Variants in HDAC7 observed in about 807,000 individuals in gnomAD.
HDAC7 encodes the protein histone deacetylase 7, also known as histone deacetylase 7A.
In HDAC7, 26 loss-of-function variants were observed where a neutral mutation model predicts 115.5. The observed-to-expected ratio is 0.23, with a 90% CI of 0.16 to 0.31. The LOEUF (loss-of-function observed/expected upper bound fraction) is 0.31, where lower values mean the gene tolerates loss of function less well. HDAC7 is among the 10% of genes least tolerant of loss of function. The probability of loss-of-function intolerance (pLI) is 1.00; values close to 1 mark genes in which losing one functional copy is unlikely to be tolerated. For missense variants in HDAC7, 1,068 were observed against 1,329.0 expected (o/e 0.80, Z 3.05); for synonymous variants, 564 against 550.9 (o/e 1.02, Z -0.33).
At chr12:47,805,709 A>C (rs1259833266) in intron 1 of HDAC7, among the ~76,000 whole-genome samples, 1 of 152,200 alleles carries the variant, frequency 6.6e-6, no homozygotes, top group Non-Finnish European at 1.5e-5. Flanking sequence ...GGCTTTAGAG[A>C]TCGTTCAGAC....
chr12:47,819,707 G>C (rs1202815550), intron 1 of HDAC7, 60 bp downstream of exon 1: 1 of 419,058 alleles, frequency 2.4e-6, no homozygotes, highest in Non-Finnish European at 3.2e-6. Context: ...GCCGAGCCTG[G>C]GCGGGCGACG....
chr12:47,799,065 C>G, intron 2 of HDAC7, 93 bp from the exon 3 acceptor site: 2 of 870,560 alleles, frequency 2.3e-6, no homozygotes, highest in Non-Finnish European at 3.4e-6. Flanking sequence ...CTCAGGCTCA[C>G]TTGACAATGG....
chr12:47,806,668 G>A (rs113056781), intron 1 of HDAC7, among the ~76,000 whole-genome samples: 6,714 of 152,102 alleles, frequency 0.044, 244 homozygotes, highest in African/African-American at 0.099. Context: ...CAGCCTGGGC[G>A]ACAGAGCAAG....
At chr12:47,816,877 C>T (rs1051480296) in intron 1 of HDAC7, among the ~76,000 whole-genome samples, 8 of 152,192 alleles carry the variant, frequency 5.3e-5, no homozygotes, top group African/African-American at 2.4e-5. Flanking sequence ...CCCTTCCCCC[C>T]AGAAGACGCC....
At position 47,798,423 on chromosome 12, in the gene HDAC7, G is replaced by T; in HGVS notation, c.349+139C>A. On this transcript the variant is annotated intron_variant, in intron 4 of 25. Coordinates refer to ENST00000080059, the MANE Select transcript of HDAC7 (RefSeq NM_015401.5). The surrounding 1 kb of genome is among the most constrained non-coding windows in gnomAD (Gnocchi z 4.3). ...CATCCCCCACACATTCACAGGCAGA[G>T]CCCAGGCAAGCAGAGGGAAAGCCTC... 1.2e-6 allele frequency: 1 copy of T among 827,936 alleles called. No homozygotes were observed. The highest frequency in any genetic ancestry group is 2.0e-6 in the Non-Finnish European group (1 of 509,870). 51.3% of individuals were successfully genotyped at this position (827,936 alleles called of 1,614,324 possible).
chr12:47,786,496 C>T, intron 22 of HDAC7, 89 bp downstream of exon 22: 2 of 917,674 alleles, frequency 2.2e-6, no homozygotes, highest in Non-Finnish European at 3.5e-6. Flanking sequence ...CCACTGCCAC[C>T]TTCCCTTTCT....
rs1943957447 is a variant in HDAC7, at chr12:47,798,002, G to T, written c.461+106C>A. 1 of 818,494 alleles carries T rather than the reference G, an allele frequency of 1.2e-6. No homozygotes were observed. The highest frequency in any genetic ancestry group is 2.2e-6 in the Non-Finnish European group (1 of 464,422). The allele number at this position is 818,494 out of a possible 1,614,324, so 50.7% of individuals were successfully genotyped here. A position where few individuals can be genotyped will look rare whatever the true frequency, so the allele number is the denominator to read the frequency against. ...TTTAGAGGAAGGGTAAGGACTGGTT[G>T]TGGCAACTGGGGAGGAAGGAGGCAA... On this transcript the variant is annotated intron_variant, in intron 5 of 25. Coordinates refer to ENST00000080059, the MANE Select transcript of HDAC7 (RefSeq NM_015401.5). This position sits in a 1 kb window ranked among gnomAD's most constrained non-coding sequence, Gnocchi z 4.3.
chr12:47,786,759 T>C (rs1393443273), intron 21 of HDAC7, 56 bp from the exon 22 acceptor site: 17 of 1,417,784 alleles, frequency 1.2e-5, no homozygotes, highest in Non-Finnish European at 1.6e-5. Flanking sequence ...CCAGGGGCGG[T>C]CCTGCCAACT....
At chr12:47,810,371 G>A (rs1273707487) in intron 1 of HDAC7, among the ~76,000 whole-genome samples, 3 of 152,130 alleles carry the variant, frequency 2.0e-5, no homozygotes, top group Non-Finnish European at 2.9e-5. Context: ...GCTTAGCATC[G>A]GTACACTGGC....
At position 47,793,125 on chromosome 12, in the gene HDAC7, T is replaced by A; in HGVS notation, c.1678+244A>T. The A allele has an allele frequency of 2.0e-6, 1 of 491,312 alleles. No homozygotes were observed. The highest frequency in any genetic ancestry group is 3.2e-5 in the East Asian group (1 of 30,906). 30.4% of individuals were successfully genotyped at this position (491,312 alleles called of 1,614,324 possible). A position where few individuals can be genotyped will look rare whatever the true frequency, so the allele number is the denominator to read the frequency against. ...TGCATTGGCAGGAGACTGGAATTCT[T>A]ATCCTGGCTTGACTACCACTTGCTA... On this transcript the variant is annotated intron_variant, in intron 13 of 25. Coordinates refer to ENST00000080059, the MANE Select transcript of HDAC7 (RefSeq NM_015401.5). The surrounding 1 kb of genome is among the most constrained non-coding windows in gnomAD (Gnocchi z 4.5).
intron 21 of HDAC7, 53 bp downstream of exon 21, chr12:47,787,659 G>T: frequency 7.6e-7 from 1 of 1,317,816 alleles, no homozygotes; most frequent in South Asian, 1.3e-5. Context: ...GTGCTCTTGG[G>T]AGAAGGGACA....
In HDAC7 at chr12:47,797,855, GGTGTGTGTGTGTGT is replaced by G. The variant is rs373121556; in HGVS notation, c.461+239_461+252del. ...TCATGTGCAAGAAAAAAGCCAGTAGGGTGTGTGTGTGTGTGTGTGTGTGTGTGTGTGTGTGTGTG... is the reference window on the plus strand; with the variant it reads ...TCATGTGCAAGAAAAAAGCCAGTAGGGTGTGTGTGTGTGTGTGTGTGTGTG... On this transcript the variant is annotated intron_variant, in intron 5 of 25. Transcript: ENST00000080059. This position sits in a 1 kb window ranked among gnomAD's most constrained non-coding sequence, Gnocchi z 5.5. 8.9e-4 allele frequency among the ~76,000 whole-genome samples: 110 copies of G among 123,946 alleles called. 1 individual carries two copies. The highest frequency in any genetic ancestry group is 1.8e-3 in the Admixed American group (23 of 12,454). The allele number at this position is 123,946 out of a possible 152,430, so 81.3% of individuals were successfully genotyped here. A position where few individuals can be genotyped will look rare whatever the true frequency, so the allele number is the denominator to read the frequency against.
At position 47,789,381 on chromosome 12, in the gene HDAC7, C is replaced by T. The variant is rs763570012; in HGVS notation, c.2148-33G>A. On this transcript the variant is annotated intron_variant, in intron 18 of 25. Coordinates refer to ENST00000080059, the MANE Select transcript of HDAC7 (RefSeq NM_015401.5). ...GAGAGACAGGTCCTGCCAGCCCATT[C>T]TCTCCACATGCCCTCACCTCCCCAG... The T allele has an allele frequency of 2.0e-4, 326 of 1,597,698 alleles. 1 individual carries two copies. The highest frequency in any genetic ancestry group is 2.7e-4 in the Non-Finnish European group (311 of 1,165,550).
chr12:47,793,510 C>T lies in HDAC7; in HGVS notation c.1537G>A (p.Ala513Thr). The T allele has an allele frequency of 6.5e-7, 1 of 1,548,858 alleles. No homozygotes were observed. Among genetic ancestry groups the T allele is most frequent in the Non-Finnish European group, 8.7e-7 (1 of 1,147,066 alleles). ...GACAGAGGCCGGTGCCCACCCTGGGCCAGAGGAAGCAGCACAGTGTCCCCG... is the reference window on the plus strand; with the variant it reads ...GACAGAGGCCGGTGCCCACCCTGGGTCAGAGGAAGCAGCACAGTGTCCCCG... ...STGDTVLLPLAQGGHRPLSRA... is the reference protein window; with the variant it reads ...STGDTVLLPLTQGGHRPLSRA... The change falls in exon 13 of 26, where the codon GCC becomes ACC. Residue 513 changes from alanine (A) to threonine (T), a missense_variant. By Grantham distance (58) the Ala-to-Thr change is moderately conservative. Around this residue, in one of 6 missense-constraint regions of HDAC7, gnomAD observed 618 missense variants for 701.5 expected, o/e 0.88. Coordinates refer to ENST00000080059, the MANE Select transcript of HDAC7 (RefSeq NM_015401.5). The surrounding 1 kb of genome is among the most constrained non-coding windows in gnomAD (Gnocchi z 4.5).
Position 47,789,362 on chromosome 12 carries a change from C to G in HDAC7, c.2148-14G>C, listed in dbSNP as rs1400301143. ...AAGCAGAAGCCCCTGGAAGGAGAGA[C>G]AGGTCCTGCCAGCCCATTCTCTCCA... On this transcript the variant is annotated splice_polypyrimidine_tract_variant and intron_variant, in intron 18 of 25. Transcript: ENST00000080059. 2 of 1,608,570 alleles carry G rather than the reference C, an allele frequency of 1.2e-6. No individual in the cohort carries two copies. The highest frequency in any genetic ancestry group is 1.3e-5 in the African/African-American group (1 of 74,814).
chr12:47,796,095 T>C, intron 8 of HDAC7, 79 bp from the exon 9 acceptor site: 1 of 1,517,610 alleles, frequency 6.6e-7, no homozygotes. Context: ...CCCAGGAGGC[T>C]CTGGCAGGGG....
At position 47,793,937 on chromosome 12, in the gene HDAC7, C is replaced by T. The variant is rs2136954231; in HGVS notation, c.1459-349G>A. Among the ~76,000 whole-genome samples the T allele has an allele frequency of 6.6e-6, 1 of 152,336 alleles. No individual in the cohort carries two copies. ...CAAGAACATGTGTGTGGCCTGTCAT[C>T]ATGTGTTATGGAGTAAATTATGTTC... On this transcript the variant is annotated intron_variant, in intron 12 of 25. Transcript: ENST00000080059. This position sits in a 1 kb window ranked among gnomAD's most constrained non-coding sequence, Gnocchi z 4.5.
At chr12:47,788,275 A>G in intron 19 of HDAC7, 111 bp from the exon 20 acceptor site, 1 of 1,367,656 alleles carries the variant, frequency 7.3e-7, no homozygotes, top group Non-Finnish European at 9.8e-7. Flanking sequence ...CTAGACTGGG[A>G]TCAGGAACCT....
chr12:47,820,250 G>C (rs1318599349), upstream of HDAC7, among the ~76,000 whole-genome samples: 1 of 152,120 alleles, frequency 6.6e-6, no homozygotes, highest in Non-Finnish European at 1.5e-5. This position sits in a 1 kb window ranked among gnomAD's most constrained non-coding sequence, Gnocchi z 4.3. Flanking sequence ...ACGCACCCTC[G>C]CATACACAAC....
Sources: gnomAD v4.1 joint callset for allele counts (sites outside exome capture counted in the v4.1 genomes callset) on GRCh38, gnomAD v4.1.1 for gene constraint, gnomAD v4.1.1 regional missense constraint, Gnocchi (gnomAD v3.1) non-coding constraint, MANE v1.5 for transcripts, NCBI Gene and HGNC (gene_info 2026-07-23, HGNC 2026-07-21) for gene names.